Variants in CHRM3 observed in about 807,000 individuals in gnomAD.
CHRM3 encodes the protein muscarinic acetylcholine receptor M3.
Under a neutral mutation model 41.8 loss-of-function variants are expected in CHRM3, and 11 were observed. The observed-to-expected ratio is 0.26, with a 90% CI of 0.17 to 0.44. The LOEUF is 0.44. Ranked by LOEUF, CHRM3 falls within the 20% of genes least tolerant of loss-of-function variation. The probability of loss-of-function intolerance (pLI) is 1.00; values close to 1 mark genes in which losing one functional copy is unlikely to be tolerated. For missense variants in CHRM3, 571 were observed against 745.4 expected (o/e 0.77, Z 2.72); for synonymous variants, 297 against 301.4 (o/e 0.99, Z 0.15).
At chr1:239,843,853 G>C (rs1419184523) in intron 6 of CHRM3, among the ~76,000 whole-genome samples, 1 of 151,904 alleles carries the variant, frequency 6.6e-6, no homozygotes, top group Non-Finnish European at 1.5e-5. Flanking sequence ...CTCTGAAACT[G>C]TGTATATGTG....
intron 5 of CHRM3, among the ~76,000 whole-genome samples, chr1:239,730,736 G>A (rs1200678685): frequency 1.3e-5 from 2 of 151,892 alleles, no homozygotes; most frequent in Non-Finnish European, 2.9e-5. Context: ...GACAGTGGGG[G>A]TACAATGGAA....
intron 2 of CHRM3, among the ~76,000 whole-genome samples, chr1:239,511,940 G>A (rs1668950753): frequency 6.6e-6 from 1 of 152,142 alleles, no homozygotes; most frequent in Non-Finnish European, 1.5e-5. Context: ...TTAAAAAGAG[G>A]AATCTGGTAG....
intron 5 of CHRM3, among the ~76,000 whole-genome samples, chr1:239,777,517 A>G (rs1668188055): frequency 1.3e-5 from 2 of 152,336 alleles, no homozygotes; most frequent in Admixed American, 6.5e-5. Flanking sequence ...TCAGGAAGAT[A>G]AAATGTTAAA....
intron 5 of CHRM3, among the ~76,000 whole-genome samples, chr1:239,753,784 T>C (rs577344284): frequency 4.0e-4 from 61 of 152,220 alleles, no homozygotes; most frequent in Non-Finnish European, 7.2e-4. Flanking sequence ...GAAGCTGTTA[T>C]TTAGCAAATG....
chr1:239,519,778 C>T (rs377260587), intron 2 of CHRM3, among the ~76,000 whole-genome samples: 96 of 112,104 alleles, frequency 8.6e-4, no homozygotes, highest in Middle Eastern at 0.012. Context: ...GACAGAGTCT[C>T]GCTCAGTCAC....
At chr1:239,615,815 T>C (rs968297218) in intron 3 of CHRM3, among the ~76,000 whole-genome samples, 1 of 152,156 alleles carries the variant, frequency 6.6e-6, no homozygotes. Context: ...TAACACTGAA[T>C]GCGGCGGGTG....
At chr1:239,890,621 AG>A in intron 6 of CHRM3, among the ~76,000 whole-genome samples, 1 of 152,206 alleles carries the variant, frequency 6.6e-6, no homozygotes, top group Non-Finnish European at 1.5e-5. Flanking sequence ...CAATTATTAT[AG>A]GGTCACTTAC....
intron 5 of CHRM3, among the ~76,000 whole-genome samples, chr1:239,807,894 G>A (rs1670789427): frequency 6.6e-6 from 1 of 151,956 alleles, no homozygotes; most frequent in Non-Finnish European, 1.5e-5. Flanking sequence ...ATATTCCAGA[G>A]TGATAAAAGA....
intron 3 of CHRM3, among the ~76,000 whole-genome samples, chr1:239,577,633 C>T (rs1233828903): frequency 6.6e-6 from 1 of 152,168 alleles, no homozygotes; most frequent in African/African-American, 2.4e-5. Context: ...ATAATGGTGG[C>T]TGCAGAGTAC....
At chr1:239,603,102 T>TC (rs11464476) in intron 3 of CHRM3, among the ~76,000 whole-genome samples, 123,800 of 152,114 alleles carry the variant, frequency 0.81, 53,032 homozygotes, top group Non-Finnish European at 0.93. Context: ...ATAAGTGGAA[T>TC]ATACAATATT....
intron 6 of CHRM3, among the ~76,000 whole-genome samples, chr1:239,873,343 C>A (rs1249246755): frequency 1.3e-5 from 2 of 152,064 alleles, no homozygotes; most frequent in East Asian, 3.9e-4. Context: ...GGGAAACTTT[C>A]TCTTTTTTTT....
intron 5 of CHRM3, among the ~76,000 whole-genome samples, chr1:239,682,267 C>T (rs961267310): frequency 6.6e-6 from 1 of 152,160 alleles, no homozygotes; most frequent in African/African-American, 2.4e-5. Flanking sequence ...GTAATGAGGT[C>T]ACAGATTCCT....
chr1:239,809,415 C>T (rs1462989518), intron 5 of CHRM3, among the ~76,000 whole-genome samples: 1 of 152,138 alleles, frequency 6.6e-6, no homozygotes, highest in Non-Finnish European at 1.5e-5. Context: ...CCCACTTCCT[C>T]ATTTTTTTCT....
At chr1:239,618,502 A>G (rs1667909552) in intron 3 of CHRM3, among the ~76,000 whole-genome samples, 1 of 151,586 alleles carries the variant, frequency 6.6e-6, no homozygotes, top group South Asian at 2.1e-4. Context: ...CACAACTTGG[A>G]AAACAGGAAT....
chr1:239,498,402 C>T (rs1322052412), intron 2 of CHRM3, among the ~76,000 whole-genome samples: 1 of 151,904 alleles, frequency 6.6e-6, no homozygotes, highest in Non-Finnish European at 1.5e-5. Flanking sequence ...GCAAAAATAA[C>T]TTGCAAAAAA....
Position 239,907,605 on chromosome 1 carries a change from C to T in CHRM3, c.154C>T (p.Pro52Ser). The change falls in exon 7 of 7, where the codon CCA becomes TCA. Residue 52 changes from proline to serine, a missense_variant. Coordinates refer to ENST00000676153, the MANE Select transcript of CHRM3 (RefSeq NM_001375978.1). This position sits in a 1 kb window ranked among gnomAD's most constrained non-coding sequence, Gnocchi z 5.4. The stretch of plus-strand genomic sequence containing the variant: ...TCGAGCAGCTGGCAATTTCTCCTCT[C>T]CAGACGGTACCACCGATGACCCTCT... ...VSRAAGNFSS[P>S]DGTTDDPLGG... 1 of 1,614,188 alleles carries T rather than the reference C, an allele frequency of 6.2e-7. No individual in the cohort carries two copies. Among genetic ancestry groups the T allele is most frequent in the Non-Finnish European group, 8.5e-7 (1 of 1,180,044 alleles).
In CHRM3 at chr1:239,454,091, G is replaced by T. The variant is rs142170035; in HGVS notation, c.-520-38618G>T. 2.0e-4 allele frequency among the ~76,000 whole-genome samples: 31 copies of T among 152,012 alleles called. No individual in the cohort carries two copies. The East Asian group carries it at 4.7e-3, about 23-fold the overall frequency. ...GCAGTTCTCCAGAGGATGCTGACTG[G>T]GGGCCCTACAATTCAACTCAATTCT... On this transcript the variant is annotated intron_variant, in intron 1 of 6. Coordinates refer to ENST00000676153, the MANE Select transcript of CHRM3 (RefSeq NM_001375978.1).
chr1:239,539,640 T>G (rs1301101837), intron 2 of CHRM3, among the ~76,000 whole-genome samples: 1 of 152,168 alleles, frequency 6.6e-6, no homozygotes, highest in Admixed American at 6.5e-5. Flanking sequence ...TGTTTTTGTT[T>G]CTGTTTTGAG....
intron 4 of CHRM3, among the ~76,000 whole-genome samples, chr1:239,674,775 C>T (rs1657815916): frequency 6.6e-6 from 1 of 151,554 alleles, no homozygotes; most frequent in African/African-American, 2.4e-5. Flanking sequence ...AATCCCAACT[C>T]AGGCCATTTC....
Sources: allele counts gnomAD v4.1 joint callset (sites outside exome capture counted in the v4.1 genomes callset), GRCh38; gene constraint gnomAD v4.1.1; non-coding constraint Gnocchi (gnomAD v3.1); transcripts MANE v1.5; gene names NCBI Gene and HGNC (gene_info 2026-07-23, HGNC 2026-07-21).